The following ADD2 variants were observed in gnomAD, a reference collection of about 807,000 sequenced individuals.
The protein encoded by ADD2 is beta-adducin.
A neutral mutation model predicts 83.0 loss-of-function variants in ADD2; 23 were observed. That is an observed-to-expected ratio of 0.28 (90% CI 0.20 to 0.39). ADD2 has a LOEUF of 0.39. ADD2 is among the 10% of genes least tolerant of loss of function. The pLI, the probability that ADD2 is intolerant of heterozygous loss-of-function variation, is 1.00. For synonymous variants in ADD2, 375 were observed against 375.4 expected (o/e 1.00, Z 0.01); for missense variants, 758 against 944.9 (o/e 0.80, Z 2.59).
intron 1 of ADD2, among the ~76,000 whole-genome samples, chr2:70,752,571 G>A (rs1674563569): frequency 6.6e-6 from 1 of 152,190 alleles, no homozygotes. Context: ...AGAATTTGCT[G>A]ATAGACTGGA....
Position 70,752,360 on chromosome 2 carries a change from T to C in ADD2, c.-154+15526A>G, listed in dbSNP as rs1201606948. Among the ~76,000 whole-genome samples the C allele has an allele frequency of 3.3e-5, 5 of 152,228 alleles. No individual in the cohort carries two copies. The East Asian group carries it at 9.6e-4, about 29-fold the overall frequency. ...TTTATTGCCTTTTATGTGTCCACTT[T>C]TCTTATCCAAGAAATGAGAATAATA... On this transcript the variant is annotated intron_variant, in intron 1 of 15. Transcript: ENST00000264436.
chr2:70,686,066 A>G (rs1482016007), intron 9 of ADD2, among the ~76,000 whole-genome samples: 1 of 152,242 alleles, frequency 6.6e-6, no homozygotes, highest in African/African-American at 2.4e-5. Context: ...AAGGTCACCA[A>G]GGAAGAAAAC....
chr2:70,706,124 C>G lies in ADD2; in HGVS notation c.183+102G>C. 1 of 1,282,104 alleles carries G rather than the reference C, an allele frequency of 7.8e-7. No individual in the cohort carries two copies. 79.4% of individuals were successfully genotyped at this position (1,282,104 alleles called of 1,614,324 possible). A position where few individuals can be genotyped will look rare whatever the true frequency, so the allele number is the denominator to read the frequency against. On this transcript the variant is annotated intron_variant, in intron 3 of 15. Coordinates refer to ENST00000264436, the MANE Select transcript of ADD2 (RefSeq NM_001617.4). This position sits in a 1 kb window ranked among gnomAD's most constrained non-coding sequence, Gnocchi z 5.0. ...TCAGTGGGCTTACATTTCTACTGAC[C>G]CTGAGCAAGGGAAAGAGGAGTTACT...
At chr2:70,691,471 A>T (rs1269116864) in intron 7 of ADD2, 1 of 152,292 alleles carries the variant, frequency 6.6e-6, no homozygotes, top group East Asian at 1.9e-4. Context: ...CCACTTCAAA[A>T]GCAATCTCTT....
chr2:70,710,030 G>A lies in ADD2; in HGVS notation c.-35+3036C>T, dbSNP rs17006169. Among the ~76,000 whole-genome samples the A allele has an allele frequency of 4.2e-3, 637 of 152,246 alleles. 5 individuals carry two copies. Among genetic ancestry groups the A allele is most frequent in the African/African-American group, 0.015 (612 of 41,528 alleles). ...ATTCTTCCAGAGACATCACCTCATC[G>A]AACCCCACTCCTTCTCTGTTTAGTG... On this transcript the variant is annotated intron_variant, in intron 2 of 15. Coordinates refer to ENST00000264436, the MANE Select transcript of ADD2 (RefSeq NM_001617.4).
chr2:70,689,756 G>A (rs1227123331), intron 8 of ADD2, among the ~76,000 whole-genome samples: 1 of 152,184 alleles, frequency 6.6e-6, no homozygotes, highest in Non-Finnish European at 1.5e-5. Context: ...GTGCCATACT[G>A]AGCTAACCAT....
chr2:70,697,611 G>A (rs1671375317), intron 4 of ADD2, among the ~76,000 whole-genome samples: 1 of 152,232 alleles, frequency 6.6e-6, no homozygotes, highest in Non-Finnish European at 1.5e-5. Flanking sequence ...TCCCACCAAA[G>A]ATTTTAATGG....
rs920127936 is a variant in ADD2, at chr2:70,657,753, C to G, written c.*5672G>C. ...TCTTTCTACAGTTATTCTCCCACCA[C>G]CCCCCAAACTCTTACGTTTTCTTTA... On this transcript the variant is annotated 3_prime_UTR_variant, in exon 16 of 16. Coordinates refer to ENST00000264436, the MANE Select transcript of ADD2 (RefSeq NM_001617.4). 1 of 152,304 alleles carries G rather than the reference C, an allele frequency of 6.6e-6. No homozygotes were observed. The highest frequency in any genetic ancestry group is 1.9e-4 in the East Asian group (1 of 5,190). The allele number at this position is 152,304 out of a possible 1,614,324, so 9.4% of individuals were successfully genotyped here.
Position 70,698,128 on chromosome 2 carries a change from C to T in ADD2, c.323-1732G>A, listed in dbSNP as rs192205665. Among the ~76,000 whole-genome samples the T allele has an allele frequency of 3.8e-3, 585 of 152,324 alleles. 4 individuals are homozygous for T. Among genetic ancestry groups the T allele is most frequent in the Admixed American group, 5.7e-3 (87 of 15,298 alleles). ...AGGAGGGCATGTCAAAAGCACAGGG[C>T]CCCAGGCAAAGGTGGGCAGGTGGGG... On this transcript the variant is annotated intron_variant, in intron 4 of 15. Transcript: ENST00000264436.
At chr2:70,736,754 T>C (rs2104484809) in intron 1 of ADD2, among the ~76,000 whole-genome samples, 1 of 151,994 alleles carries the variant, frequency 6.6e-6, no homozygotes, top group East Asian at 1.9e-4. Flanking sequence ...AATGAGAATC[T>C]ATTTCTCCCC....
chr2:70,723,392 A>T (rs1006083100), intron 1 of ADD2, among the ~76,000 whole-genome samples: 1 of 148,186 alleles, frequency 6.7e-6, no homozygotes, highest in Admixed American at 6.7e-5. Flanking sequence ...CAACAATTGA[A>T]TTTTTTTTTT....
At position 70,701,382 on chromosome 2, in the gene ADD2, GAT is replaced by G. The variant is rs201706682; in HGVS notation, c.322+2937_322+2938del. The stretch of plus-strand genomic sequence containing the variant: ...AACTCATAGTGAACTAGAATAAAAA[GAT>G]ATTTCCTCAACACGATAAAAAATAA... On this transcript the variant is annotated intron_variant, in intron 4 of 15. Coordinates refer to ENST00000264436, the MANE Select transcript of ADD2 (RefSeq NM_001617.4). Among the ~76,000 whole-genome samples the G allele has an allele frequency of 4.2e-3, 643 of 152,090 alleles. 22 individuals carry two copies. The East Asian group carries it at 0.077, about 18-fold the overall frequency.
chr2:70,695,674 G>C, intron 6 of ADD2, 47 bp downstream of exon 6: 1 of 1,546,386 alleles, frequency 6.5e-7, no homozygotes, highest in Non-Finnish European at 8.9e-7. Context: ...CAGAGAGAGT[G>C]CTGTCATTTC....
intron 11 of ADD2, 145 bp downstream of exon 11, chr2:70,678,559 C>T (rs782464413): frequency 5.1e-5 from 62 of 1,212,666 alleles, no homozygotes; most frequent in Non-Finnish European, 6.5e-5. Flanking sequence ...TGAGCAGCTG[C>T]TCCCAGAGGC....
intron 6 of ADD2, 53 bp downstream of exon 6, chr2:70,695,668 G>A: frequency 6.5e-7 from 1 of 1,531,478 alleles, no homozygotes; most frequent in Non-Finnish European, 9.0e-7. Flanking sequence ...TGGGAACAGA[G>A]AGAGTGCTGT....
intron 15 of ADD2, among the ~76,000 whole-genome samples, chr2:70,669,760 T>C (rs1553366779): frequency 6.6e-6 from 1 of 152,190 alleles, no homozygotes; most frequent in African/African-American, 2.4e-5. Context: ...TTTCACAGTT[T>C]TGGGAGCCTT....
chr2:70,729,071 C>T (rs1558564502), intron 1 of ADD2, among the ~76,000 whole-genome samples: 2 of 152,222 alleles, frequency 1.3e-5, no homozygotes, highest in Admixed American at 6.5e-5. Context: ...ATTCCTCAGC[C>T]TTTCCTGCTG....
rs2863793 is a variant in ADD2, at chr2:70,706,893, G to A, written c.-34-451C>T. On this transcript the variant is annotated intron_variant, in intron 2 of 15. Coordinates refer to ENST00000264436, the MANE Select transcript of ADD2 (RefSeq NM_001617.4). This position sits in a 1 kb window ranked among gnomAD's most constrained non-coding sequence, Gnocchi z 5.0. ...TGGTGGAAATAGCTAATGCATGCTG[G>A]GCTTAACACCTAGGTAATGGGTTGA... 8.6e-5 allele frequency among the ~76,000 whole-genome samples: 13 copies of A among 151,922 alleles called. No homozygotes were observed. Among genetic ancestry groups the A allele is most frequent in the African/African-American group, 2.9e-4 (12 of 41,320 alleles).
chr2:70,735,077 T>C (rs1416526671), intron 1 of ADD2, among the ~76,000 whole-genome samples: 1 of 152,210 alleles, frequency 6.6e-6, no homozygotes, highest in Non-Finnish European at 1.5e-5. Context: ...CAAACAGTAT[T>C]AGTTCGATTT....
Sources: gnomAD v4.1 joint callset for allele counts (sites outside exome capture counted in the v4.1 genomes callset) on GRCh38, gnomAD v4.1.1 for gene constraint, Gnocchi (gnomAD v3.1) non-coding constraint, MANE v1.5 for transcripts, NCBI Gene and HGNC (gene_info 2026-07-23, HGNC 2026-07-21) for gene names.